Variants in KAZN observed in about 807,000 individuals in gnomAD.
KAZN encodes kazrin, periplakin interacting protein.
In KAZN, 40 loss-of-function variants were observed where a neutral mutation model predicts 87.4. That is an observed-to-expected ratio of 0.46 (90% CI 0.36 to 0.60). The LOEUF is 0.60. KAZN is among the 20% of genes least tolerant of loss of function. KAZN has a pLI of 0.00. For synonymous variants in KAZN, 466 were observed against 458.3 expected (o/e 1.02, Z -0.22); for missense variants, 898 against 1,073.9 (o/e 0.84, Z 2.29).
chr1:14,295,733 G>A (rs1184556359), intron 2 of KAZN, among the ~76,000 whole-genome samples: 1 of 152,148 alleles, frequency 6.6e-6, no homozygotes, highest in Non-Finnish European at 1.5e-5. Context: ...ACATTTTTGA[G>A]ATCTCAGCTC....
At chr1:14,914,056 T>A (rs2101417825) in intron 1 of KAZN, among the ~76,000 whole-genome samples, 1 of 152,318 alleles carries the variant, frequency 6.6e-6, no homozygotes, top group South Asian at 2.1e-4. Context: ...TAGCAGCCCT[T>A]CTGGGCAGGG....
chr1:14,412,664 T>G (rs1050334141), intron 2 of KAZN, among the ~76,000 whole-genome samples: 12 of 152,060 alleles, frequency 7.9e-5, no homozygotes, highest in African/African-American at 2.9e-4. Context: ...TCCTGTTCAT[T>G]AGTGAAAAGA....
intron 2 of KAZN, among the ~76,000 whole-genome samples, chr1:14,432,424 G>T (rs1246479046): frequency 6.6e-6 from 1 of 152,194 alleles, no homozygotes; most frequent in Non-Finnish European, 1.5e-5. Flanking sequence ...TCACGAGCTT[G>T]TCTGCTCCAA....
chr1:14,781,061 A>G (rs1047668330), intron 1 of KAZN, among the ~76,000 whole-genome samples: 1 of 152,100 alleles, frequency 6.6e-6, no homozygotes, highest in Non-Finnish European at 1.5e-5. Context: ...GGAGGATCAC[A>G]CCTGTAATCC....
At chr1:14,863,991 T>G (rs1328972967) in intron 1 of KAZN, among the ~76,000 whole-genome samples, 1 of 152,160 alleles carries the variant, frequency 6.6e-6, no homozygotes, top group Non-Finnish European at 1.5e-5. Context: ...CATGATTCTT[T>G]TCCTTCATCC....
chr1:14,354,685 CACAA>C (rs977762644), intron 2 of KAZN, among the ~76,000 whole-genome samples: 8 of 145,240 alleles, frequency 5.5e-5, no homozygotes, highest in East Asian at 2.1e-4. Context: ...CACACACACA[CACAA>C]ACAAACCTGA....
chr1:14,118,112 A>G (rs6657080), intron 1 of KAZN, among the ~76,000 whole-genome samples: 18,873 of 152,108 alleles, frequency 0.12, 1,797 homozygotes, highest in African/African-American at 0.27. Context: ...TTTGGAGGGC[A>G]GCTCACAGGT....
chr1:14,015,459 C>CTTTTTT (rs70987713), intron 1 of KAZN, among the ~76,000 whole-genome samples: 3 of 25,102 alleles, frequency 1.2e-4, no homozygotes, highest in African/African-American at 2.1e-4. Flanking sequence ...GTTACATCTA[C>CTTTTTT]TTTTTTTTTT....
chr1:14,966,890 G>T (rs1664513201), intron 2 of KAZN, among the ~76,000 whole-genome samples: 2 of 152,056 alleles, frequency 1.3e-5, no homozygotes, highest in South Asian at 2.1e-4. Context: ...GGCTGGTCTT[G>T]AACCCCTGAC....
chr1:13,893,840 T>C, intron 1 of KAZN: 2 of 1,442,496 alleles, frequency 1.4e-6, no homozygotes, highest in South Asian at 1.3e-5. Flanking sequence ...GGTCTGTGTG[T>C]GTCTGTGTGT....
chr1:14,782,462 C>T (rs999370826), intron 1 of KAZN, among the ~76,000 whole-genome samples: 3 of 146,642 alleles, frequency 2.0e-5, no homozygotes, highest in African/African-American at 7.5e-5. Context: ...GCAGGAGAAT[C>T]GCTTGAACCC....
intron 1 of KAZN, among the ~76,000 whole-genome samples, chr1:14,617,676 G>A (rs916091859): frequency 9.9e-5 from 15 of 152,210 alleles, no homozygotes. Flanking sequence ...CTATGAATGT[G>A]GAACTGTGTA....
intron 1 of KAZN, among the ~76,000 whole-genome samples, chr1:14,840,849 A>G (rs1038725650): frequency 2.6e-5 from 4 of 152,214 alleles, no homozygotes; most frequent in African/African-American, 7.2e-5. Context: ...GCCAGATACT[A>G]TTAGGAATGT....
At chr1:14,984,541 T>C (rs980975980) in intron 2 of KAZN, among the ~76,000 whole-genome samples, 2 of 152,072 alleles carry the variant, frequency 1.3e-5, no homozygotes, top group Non-Finnish European at 2.9e-5. Flanking sequence ...AAATATGCAA[T>C]TGACAAGTCA....
At chr1:14,684,574 T>G (rs1456890667) in intron 1 of KAZN, among the ~76,000 whole-genome samples, 2 of 152,198 alleles carry the variant, frequency 1.3e-5, no homozygotes, top group Non-Finnish European at 2.9e-5. Context: ...AGGCAAAGTG[T>G]TGGCAGAGCT....
intron 1 of KAZN, among the ~76,000 whole-genome samples, chr1:14,634,921 G>T (rs1243176094): frequency 6.6e-6 from 1 of 152,162 alleles, no homozygotes; most frequent in Non-Finnish European, 1.5e-5. Context: ...CAGGAATTGG[G>T]CTGAAAGTGT....
intron 2 of KAZN, among the ~76,000 whole-genome samples, chr1:14,409,593 G>T (rs553745172): frequency 6.6e-6 from 1 of 152,154 alleles, no homozygotes; most frequent in African/African-American, 2.4e-5. Context: ...GATATCCATG[G>T]GGAATCTATA....
intron 1 of KAZN, among the ~76,000 whole-genome samples, chr1:13,931,600 C>T (rs1009294857): frequency 2.0e-5 from 3 of 152,006 alleles, no homozygotes; most frequent in East Asian, 1.9e-4. Context: ...TGCCAGTGTC[C>T]TGACTTCTCC....
intron 1 of KAZN, among the ~76,000 whole-genome samples, chr1:13,966,674 T>A (rs1388013839): frequency 6.6e-6 from 1 of 152,190 alleles, no homozygotes; most frequent in African/African-American, 2.4e-5. Flanking sequence ...GTGCTCCAAG[T>A]GTGGCTATCT....
Sources: allele counts gnomAD v4.1 joint callset (sites outside exome capture counted in the v4.1 genomes callset), GRCh38; gene constraint gnomAD v4.1.1; transcripts MANE v1.5; gene names NCBI Gene and HGNC (gene_info 2026-07-23, HGNC 2026-07-21).